The following MCM9 variants were observed in gnomAD, a reference collection of about 807,000 sequenced individuals.
The protein encoded by MCM9 is minichromosome maintenance 9 homologous recombination repair factor, also known as DNA helicase MCM9.
A neutral mutation model predicts 72.8 loss-of-function variants in MCM9; 55 were observed. The ratio of observed to expected loss-of-function variants is 0.76; its 90% confidence interval spans 0.61 to 0.95. The LOEUF is 0.95. Ranked by LOEUF, MCM9 falls within the 40% of genes least tolerant of loss-of-function variation. MCM9 has a pLI of 0.00. For missense variants in MCM9, 1,279 were observed against 1,377.0 expected (o/e 0.93, Z 1.13); for synonymous variants, 480 against 503.4 (o/e 0.95, Z 0.62).
chr6:118,843,658 GTA>G lies in MCM9; in HGVS notation c.1325+12711_1325+12712del, dbSNP rs74206505. On this transcript the variant is annotated intron_variant, in intron 9 of 13. Coordinates refer to ENST00000619706, the MANE Select transcript of MCM9 (RefSeq NM_017696.3). Reference sequence around the variant, plus strand: ...AAACAAAACATATATATATATATGTGTATATATATATGTATGTATATATATAT... The same window carrying G: ...AAACAAAACATATATATATATATGTGTATATATATGTATGTATATATATAT... 3.2e-3 allele frequency among the ~76,000 whole-genome samples: 68 copies of G among 21,584 alleles called. 2 individuals carry two copies. Among genetic ancestry groups the G allele is most frequent in the Non-Finnish European group, 3.9e-3 (45 of 11,590 alleles). The allele number at this position is 21,584 out of a possible 152,430, so 14.2% of individuals were successfully genotyped here.
intron 9 of MCM9, among the ~76,000 whole-genome samples, chr6:118,844,865 A>G (rs549605456): frequency 6.6e-6 from 1 of 151,902 alleles, no homozygotes; most frequent in African/African-American, 2.4e-5. Flanking sequence ...CCTGTTCTTT[A>G]GTATATTTCT....
intron 8 of MCM9, among the ~76,000 whole-genome samples, chr6:118,879,975 T>C (rs1181704819): frequency 6.6e-6 from 1 of 151,050 alleles, no homozygotes; most frequent in African/African-American, 2.4e-5. Flanking sequence ...ACCTGGGAGG[T>C]GGAGCCGAGC....
intron 9 of MCM9, among the ~76,000 whole-genome samples, chr6:118,832,720 T>C (rs950242281): frequency 3.3e-5 from 5 of 152,210 alleles, no homozygotes; most frequent in African/African-American, 1.2e-4. Context: ...GTAAAGTTAT[T>C]TTTACCAGTA....
At chr6:118,902,305 T>G (rs181116515) in intron 8 of MCM9, among the ~76,000 whole-genome samples, 1 of 152,226 alleles carries the variant, frequency 6.6e-6, no homozygotes, top group Admixed American at 6.5e-5. Context: ...GTGGATAATA[T>G]TCTATCTCAT....
intron 8 of MCM9, among the ~76,000 whole-genome samples, chr6:118,897,595 GT>G (rs1279683552): frequency 6.6e-6 from 1 of 152,060 alleles, no homozygotes; most frequent in Non-Finnish European, 1.5e-5. Flanking sequence ...CCCAAGTAGT[GT>G]AATTAGCTAA....
chr6:118,829,815 A>T lies in MCM9; in HGVS notation c.1326-565T>A, dbSNP rs79679341. Among the ~76,000 whole-genome samples, 1,145 of 152,294 alleles carry T rather than the reference A, an allele frequency of 7.5e-3. 8 individuals carry two copies. The highest frequency in any genetic ancestry group is 0.028 in the South Asian group (135 of 4,818). ...GGAGAATAGTGAGTGGTTGAGGCAA[A>T]AACTTTCTGTGTATTCACTCATTTT... On this transcript the variant is annotated intron_variant, in intron 9 of 13. Coordinates refer to ENST00000619706, the MANE Select transcript of MCM9 (RefSeq NM_017696.3).
At chr6:118,860,067 C>CT (rs1424797108) in intron 8 of MCM9, among the ~76,000 whole-genome samples, 2 of 152,174 alleles carry the variant, frequency 1.3e-5, no homozygotes, top group East Asian at 3.8e-4. Flanking sequence ...CCTAGTACAT[C>CT]ATGTCTACCT....
At position 118,924,113 on chromosome 6, in the gene MCM9, G is replaced by C. The variant is rs780011940; in HGVS notation, c.319C>G (p.Pro107Ala). The C allele has an allele frequency of 6.2e-7, 1 of 1,613,078 alleles. No homozygotes were observed. The highest frequency in any genetic ancestry group is 1.7e-5 in the Admixed American group (1 of 59,990). The part of the protein sequence containing the change: ...HARISGLPVC[P>A]ELVREHIPKT... ...GGTATGTGTTCCCTCACCAGCTCAGGACAGACAGGCAAACCTGATGGAGAA... is the reference window on the plus strand; with the variant it reads ...GGTATGTGTTCCCTCACCAGCTCAGCACAGACAGGCAAACCTGATGGAGAA... Residue 107 changes from proline to alanine, a missense_variant, in exon 4 of 14, where the codon CCT becomes GCT. Coordinates refer to ENST00000619706, the MANE Select transcript of MCM9 (RefSeq NM_017696.3).
At chr6:118,836,349 T>C (rs1338678027) in intron 9 of MCM9, among the ~76,000 whole-genome samples, 1 of 152,260 alleles carries the variant, frequency 6.6e-6, no homozygotes, top group Non-Finnish European at 1.5e-5. Flanking sequence ...AGCAGAATGA[T>C]GCTGGCCTCA....
At chr6:118,889,305 C>G (rs1053524759) in intron 8 of MCM9, among the ~76,000 whole-genome samples, 1 of 152,140 alleles carries the variant, frequency 6.6e-6, no homozygotes, top group Non-Finnish European at 1.5e-5. Flanking sequence ...TATGAGGCCT[C>G]CAATCTCACA....
At chr6:118,853,789 ACT>A (rs1308968840) in intron 9 of MCM9, among the ~76,000 whole-genome samples, 1 of 152,070 alleles carries the variant, frequency 6.6e-6, no homozygotes, top group African/African-American at 2.4e-5. Context: ...ACAAAGTGAG[ACT>A]CTGTCTCAAA....
chr6:118,872,625 C>T (rs2114327044), intron 8 of MCM9, among the ~76,000 whole-genome samples: 1 of 151,674 alleles, frequency 6.6e-6, no homozygotes, highest in East Asian at 1.9e-4. Context: ...TGCAATCTAC[C>T]TCTACAGAAA....
intron 3 of MCM9, 100 bp from the exon 4 acceptor site, chr6:118,924,227 CA>C (rs67476232): frequency 0.052 from 55,864 of 1,079,442 alleles, 2,177 homozygotes; most frequent in East Asian, 0.19. Context: ...ATTTTAATTT[CA>C]GGGGGAAAAA....
At chr6:118,921,661 T>A in intron 5 of MCM9, 1 of 171,894 alleles carries the variant, frequency 5.8e-6, no homozygotes, top group Non-Finnish European at 1.2e-5. Context: ...CTACATTTTT[T>A]AAAGTTCCTG....
intron 9 of MCM9, among the ~76,000 whole-genome samples, chr6:118,850,225 A>T (rs1239544366): frequency 2.7e-5 from 4 of 148,104 alleles, no homozygotes; most frequent in Non-Finnish European, 6.0e-5. Flanking sequence ...ATATCTAAGC[A>T]CAATAAAGGA....
chr6:118,815,515 C>T lies in MCM9; in HGVS notation c.2741G>A (p.Gly914Asp). Residue 914 changes from glycine (G) to aspartate (D), a missense_variant, in exon 14 of 14, where the codon GGT becomes GAT. By Grantham distance (94) the Gly-to-Asp change is moderately conservative (BLOSUM62 -1). Transcript: ENST00000619706. ...TTTTGCCAGTTTGGCCACAGGGGAA[C>T]CTGGAGGCTTAACATTTTCAATTGC... ...EPAIENVKPP[G>D]SPVAKLAKFT... is the part of the protein sequence containing the mutation. 3 of 1,547,966 alleles carry T rather than the reference C, an allele frequency of 1.9e-6. No individual in the cohort carries two copies. The highest frequency in any genetic ancestry group is 1.7e-6 in the Non-Finnish European group (2 of 1,146,184).
At chr6:118,816,467 A>G (rs145511219) in intron 13 of MCM9, among the ~76,000 whole-genome samples, 173 bp from the exon 14 acceptor site, 66 of 152,328 alleles carry the variant, frequency 4.3e-4, no homozygotes, top group African/African-American at 1.5e-3. Context: ...CCTTTTTTAA[A>G]TCAATATACA....
intron 1 of MCM9, among the ~76,000 whole-genome samples, chr6:118,933,492 G>C (rs1277253805): frequency 2.2e-5 from 3 of 136,708 alleles, no homozygotes; most frequent in African/African-American, 8.0e-5. Context: ...GGCACAGAGC[G>C]AGACTCCGCC....
intron 9 of MCM9, among the ~76,000 whole-genome samples, chr6:118,834,281 T>G (rs1454091210): frequency 6.6e-6 from 1 of 152,240 alleles, no homozygotes; most frequent in Non-Finnish European, 1.5e-5. Context: ...TTGGGTTACT[T>G]CCAAGTCTTT....
Sources: allele counts gnomAD v4.1 joint callset (sites outside exome capture counted in the v4.1 genomes callset), GRCh38; gene constraint gnomAD v4.1.1; transcripts MANE v1.5; gene names NCBI Gene and HGNC (gene_info 2026-07-23, HGNC 2026-07-21).